The following PPP2R2B variants were observed in gnomAD, a reference collection of about 807,000 sequenced individuals.
PPP2R2B encodes serine/threonine-protein phosphatase 2A 55 kDa regulatory subunit B beta isoform.
In PPP2R2B, 5 loss-of-function variants were observed where a neutral mutation model predicts 46.0. That is an observed-to-expected ratio of 0.11 (90% CI 0.06 to 0.23). The LOEUF is 0.23. PPP2R2B is among the 10% of genes least tolerant of loss of function. The probability of loss-of-function intolerance (pLI) is 1.00; values close to 1 mark genes in which losing one functional copy is unlikely to be tolerated. For missense variants in PPP2R2B, 367 were observed against 575.0 expected (o/e 0.64, Z 3.70); for synonymous variants, 215 against 206.7 (o/e 1.04, Z -0.34).
chr5:147,021,983 AAATACCTAAAGG>A (rs1205161061), intron 1 of PPP2R2B, among the ~76,000 whole-genome samples: 1 of 152,176 alleles, frequency 6.6e-6, no homozygotes, highest in East Asian at 1.9e-4. Flanking sequence ...TCTATGAAAA[AAATACCTAAAGG>A]AACTTCCGGA....
Position 146,940,907 on chromosome 5 carries a change from C to T in PPP2R2B, c.79+114758G>A, listed in dbSNP as rs564371795. 7.8e-4 allele frequency among the ~76,000 whole-genome samples: 119 copies of T among 152,222 alleles called. 1 individual carries two copies. In the South Asian group the frequency reaches 0.024, roughly 30 times the overall value. On this transcript the variant is annotated intron_variant, in intron 1 of 8. Transcript: ENST00000336640. ...TCAGCCTAGTATATTTTCCATAAGC[C>T]GTAGCCTTCTCCTGGAAGTATTCCT... is the stretch of plus-strand genomic sequence containing the variant.
intron 1 of PPP2R2B, among the ~76,000 whole-genome samples, chr5:146,979,172 C>T (rs950249643): frequency 1.3e-5 from 2 of 152,094 alleles, no homozygotes; most frequent in Admixed American, 1.3e-4. Context: ...GTTTCCTTGG[C>T]CTGAAACACA....
chr5:146,695,415 A>G (rs959482934), intron 4 of PPP2R2B, among the ~76,000 whole-genome samples: 2 of 152,198 alleles, frequency 1.3e-5, no homozygotes, highest in African/African-American at 4.8e-5. Flanking sequence ...TATGTCATAA[A>G]TAATTTGAGA....
chr5:146,648,074 T>G (rs1422916520), intron 6 of PPP2R2B, among the ~76,000 whole-genome samples: 1 of 152,202 alleles, frequency 6.6e-6, no homozygotes, highest in Non-Finnish European at 1.5e-5. Flanking sequence ...CCGGGTCTTT[T>G]TATCCTGGGC....
At chr5:147,011,316 A>T (rs983335475) in intron 1 of PPP2R2B, among the ~76,000 whole-genome samples, 2 of 151,912 alleles carry the variant, frequency 1.3e-5, no homozygotes, top group South Asian at 2.1e-4. Context: ...CCATCCCTAC[A>T]TAGGAGCTTT....
At chr5:146,796,083 T>C (rs944157029) in intron 2 of PPP2R2B, among the ~76,000 whole-genome samples, 1 of 152,174 alleles carries the variant, frequency 6.6e-6, no homozygotes, top group Non-Finnish European at 1.5e-5. Context: ...ATTCAGTGTG[T>C]TTTGCTGCTG....
At chr5:146,970,329 G>A (rs1336050237) in intron 1 of PPP2R2B, among the ~76,000 whole-genome samples, 3 of 152,038 alleles carry the variant, frequency 2.0e-5, no homozygotes, top group Non-Finnish European at 2.9e-5. Flanking sequence ...AGCCGGGTGC[G>A]GTGGTTCATG....
At chr5:146,832,086 T>A (rs767014036) in intron 2 of PPP2R2B, among the ~76,000 whole-genome samples, 1 of 152,154 alleles carries the variant, frequency 6.6e-6, no homozygotes, top group Non-Finnish European at 1.5e-5. Flanking sequence ...TTTTGCATAG[T>A]TGTGTGTTTG....
chr5:146,811,140 A>T (rs946932606), intron 2 of PPP2R2B, among the ~76,000 whole-genome samples: 1 of 152,068 alleles, frequency 6.6e-6, no homozygotes, highest in Non-Finnish European at 1.5e-5. Context: ...AGTAGCTGGG[A>T]TTACAGGCAT....
At chr5:146,976,134 T>C (rs1752895347) in intron 1 of PPP2R2B, among the ~76,000 whole-genome samples, 2 of 147,906 alleles carry the variant, frequency 1.4e-5, no homozygotes, top group South Asian at 2.1e-4. Flanking sequence ...TTATTATTAT[T>C]ATTATTATTA....
intron 1 of PPP2R2B, among the ~76,000 whole-genome samples, chr5:146,947,446 A>G (rs192211008): frequency 3.3e-5 from 5 of 152,178 alleles, no homozygotes; most frequent in Non-Finnish European, 7.4e-5. Context: ...TTTTTTCTGG[A>G]ACTGTTGGAG....
chr5:146,596,509 A>T (rs1182935670), intron 8 of PPP2R2B, among the ~76,000 whole-genome samples: 1 of 152,120 alleles, frequency 6.6e-6, no homozygotes, highest in Non-Finnish European at 1.5e-5. Flanking sequence ...AAATTACTTC[A>T]CGTAAAAGCT....
intron 6 of PPP2R2B, among the ~76,000 whole-genome samples, chr5:146,641,687 C>A (rs1775232145): frequency 1.3e-5 from 2 of 152,046 alleles, no homozygotes; most frequent in African/African-American, 2.4e-5. Context: ...TCTGTATCCT[C>A]TAGAAACCCA....
intron 6 of PPP2R2B, among the ~76,000 whole-genome samples, chr5:146,646,233 G>C (rs12519188): frequency 6.6e-6 from 1 of 152,092 alleles, no homozygotes; most frequent in South Asian, 2.1e-4. Flanking sequence ...ATTTTTACTC[G>C]ATATGGGCCT....
chr5:146,723,722 G>T (rs928420265), intron 2 of PPP2R2B, among the ~76,000 whole-genome samples: 8 of 151,944 alleles, frequency 5.3e-5, no homozygotes, highest in African/African-American at 1.9e-4. Flanking sequence ...TAAAACACAC[G>T]CCCTGATCTT....
chr5:146,999,488 T>A (rs1038733670), intron 1 of PPP2R2B, among the ~76,000 whole-genome samples: 39 of 152,188 alleles, frequency 2.6e-4, no homozygotes, highest in African/African-American at 7.0e-4. Flanking sequence ...ATTTACTTAG[T>A]TGGGATGAGA....
chr5:146,784,723 C>T (rs940658432), intron 2 of PPP2R2B, among the ~76,000 whole-genome samples: 2 of 152,060 alleles, frequency 1.3e-5, no homozygotes, highest in Admixed American at 6.6e-5. Context: ...GGATGACTGC[C>T]GTGTTGATTT....
At chr5:147,059,421 T>A (rs1002433351), upstream of PPP2R2B, among the ~76,000 whole-genome samples, 6 of 152,170 alleles carry the variant, frequency 3.9e-5, no homozygotes, top group Non-Finnish European at 8.8e-5. Flanking sequence ...GTGGCATTAG[T>A]CTCGGATATA....
intron 4 of PPP2R2B, among the ~76,000 whole-genome samples, chr5:146,694,371 A>C (rs993697804): frequency 1.3e-5 from 2 of 152,312 alleles, no homozygotes; most frequent in East Asian, 3.9e-4. Context: ...TTAGCTCTTG[A>C]TCAGCTGTGG....
Sources: allele counts gnomAD v4.1 joint callset (sites outside exome capture counted in the v4.1 genomes callset), GRCh38; gene constraint gnomAD v4.1.1; transcripts MANE v1.5; gene names NCBI Gene and HGNC (gene_info 2026-07-23, HGNC 2026-07-21).